OVCH1: variants seen among roughly 807,000 people sequenced by gnomAD.
OVCH1 encodes ovochymase-1.
OVCH1 carries 139 observed loss-of-function variants against 138.4 expected under a neutral mutation model. That is an observed-to-expected ratio of 1.00 (90% confidence interval 0.87 to 1.16). The LOEUF (loss-of-function observed/expected upper bound fraction) is 1.16, where lower values mean the gene tolerates loss of function less well. OVCH1 is among the 50% of genes most tolerant of loss of function. The pLI, the probability that OVCH1 is intolerant of heterozygous loss-of-function variation, is 0.00. For synonymous variants in OVCH1, 453 were observed against 467.8 expected, an observed-to-expected ratio of 0.97 and a Z score of 0.41; for missense variants, 1,367 against 1,357.9, an observed-to-expected ratio of 1.01 and a Z score of -0.11.
At chr12:29,457,050 G>T (rs945992029) in intron 19 of OVCH1, among the ~76,000 whole-genome samples, 1 of 152,084 alleles carries the variant, frequency 6.6e-6, no homozygotes. Flanking sequence ...TTTATATAAA[G>T]AATTTAACAG....
At chr12:29,434,256 G>C (rs1198249176) in intron 26 of OVCH1, among the ~76,000 whole-genome samples, 1 of 152,080 alleles carries the variant, frequency 6.6e-6, no homozygotes, top group African/African-American at 2.4e-5. Context: ...TTCTTTGCTA[G>C]GGATAAAAAT....
At chr12:29,424,537 A>G (rs12831249), downstream of OVCH1, among the ~76,000 whole-genome samples, 954 of 152,284 alleles carry the variant, frequency 6.3e-3, 5 homozygotes, top group African/African-American at 0.022. Context: ...ACAGAGAAAA[A>G]CAGAGAGGTG....
exon 12 of OVCH1, chr12:29,477,103 T>A: frequency 6.2e-7 from 1 of 1,604,028 alleles, no homozygotes; most frequent in Non-Finnish European, 8.5e-7. Context: ...GTTGCCTACC[T>A]TTATAATGTG....
rs371182932 is a variant in OVCH1, at chr12:29,478,839, A to G, written c.1065T>C (p.Leu355=). The change falls in exon 9 of 28, where the codon CTT becomes CTC. Residue 355 remains leucine, a synonymous_variant. Transcript: ENST00000318184. The stretch of plus-strand genomic sequence containing the variant: ...AAACAAATGTAACATACTTACTAAA[A>G]AGCACTCCACTGCTTGATCGTAAAG... 111 of 1,577,888 alleles carry G rather than the reference A, an allele frequency of 7.0e-5. No homozygotes were observed. The Middle Eastern group carries it at 1.7e-3, about 24-fold the overall frequency.
At chr12:29,428,919 C>T (rs879015917) in intron 27 of OVCH1, among the ~76,000 whole-genome samples, 2 of 152,334 alleles carry the variant, frequency 1.3e-5, no homozygotes, top group Admixed American at 1.3e-4. Flanking sequence ...TCAAGCATGA[C>T]AGACACTATG....
At chr12:29,475,316 C>T (rs1383253516) in intron 13 of OVCH1, 127 bp from the exon 14 acceptor site, 1 of 622,212 alleles carries the variant, frequency 1.6e-6, no homozygotes, top group Non-Finnish European at 2.6e-6. Context: ...TGTATGCACC[C>T]TTACATCTCA....
chr12:29,475,359 A>G (rs1942668704), intron 13 of OVCH1, among the ~76,000 whole-genome samples, 170 bp from the exon 14 acceptor site: 1 of 152,176 alleles, frequency 6.6e-6, no homozygotes, highest in African/African-American at 2.4e-5. Context: ...CACAATAACA[A>G]TGCGCTGTAA....
intron 4 of OVCH1, among the ~76,000 whole-genome samples, 158 bp from the exon 5 acceptor site, chr12:29,491,350 G>T (rs1943268283): frequency 6.6e-6 from 1 of 152,136 alleles, no homozygotes; most frequent in Non-Finnish European, 1.5e-5. Flanking sequence ...AAACCGTTTT[G>T]TATTTATAGA....
chr12:29,496,793 C>A, intron 1 of OVCH1, 119 bp from the exon 2 acceptor site: 1 of 677,640 alleles, frequency 1.5e-6, no homozygotes, highest in Admixed American at 2.7e-5. Context: ...CACTTAGCTG[C>A]AGACTACCAC....
intron 23 of OVCH1, among the ~76,000 whole-genome samples, chr12:29,444,869 TATTAC>T (rs368602614): frequency 1.6e-3 from 247 of 152,164 alleles, no homozygotes; most frequent in African/African-American, 5.7e-3. Flanking sequence ...TCTAATCTTT[TATTAC>T]ATCACTAAAA....
chr12:29,424,157 T>G (rs1433685968), downstream of OVCH1, among the ~76,000 whole-genome samples: 1 of 152,198 alleles, frequency 6.6e-6, no homozygotes, highest in Non-Finnish European at 1.5e-5. Context: ...TTTCTATAGA[T>G]TATAGATTAA....
chr12:29,477,876 CA>C (rs34916463), intron 9 of OVCH1, among the ~76,000 whole-genome samples: 17 of 152,052 alleles, frequency 1.1e-4, no homozygotes, highest in East Asian at 1.9e-4. Flanking sequence ...TGCTTTTTCT[CA>C]AAAAACGTCC....
intron 8 of OVCH1, among the ~76,000 whole-genome samples, chr12:29,481,683 C>A (rs1224668211): frequency 6.6e-6 from 1 of 152,192 alleles, no homozygotes; most frequent in African/African-American, 2.4e-5. Context: ...TTTCCTATGA[C>A]TGTTGACTCT....
intron 20 of OVCH1, 96 bp from the exon 21 acceptor site, chr12:29,455,029 G>C (rs1212019447): frequency 8.1e-7 from 1 of 1,237,032 alleles, no homozygotes; most frequent in African/African-American, 1.5e-5. Flanking sequence ...AAACAAAAAA[G>C]AAACAAATCC....
intron 25 of OVCH1, among the ~76,000 whole-genome samples, 103 bp downstream of exon 26, chr12:29,439,748 CAT>C (rs1313523744): frequency 6.6e-6 from 1 of 152,206 alleles, no homozygotes; most frequent in Non-Finnish European, 1.5e-5. Context: ...CAGGTTGTCA[CAT>C]GTGCTACTGA....
chr12:29,495,553 T>A, intron 3 of OVCH1, 96 bp from the exon 4 acceptor site: 1 of 1,083,382 alleles, frequency 9.2e-7, no homozygotes, highest in Non-Finnish European at 1.3e-6. Context: ...AATGTATCTT[T>A]AAGCATCCCT....
intron 8 of OVCH1, among the ~76,000 whole-genome samples, chr12:29,486,003 A>C (rs1943094408): frequency 6.8e-6 from 1 of 147,306 alleles, no homozygotes; most frequent in African/African-American, 2.6e-5. Flanking sequence ...TAAATAAATA[A>C]ATAAATAAAT....
At chr12:29,451,974 G>T (rs879141450) in intron 21 of OVCH1, among the ~76,000 whole-genome samples, 1 of 152,230 alleles carries the variant, frequency 6.6e-6, no homozygotes, top group South Asian at 2.1e-4. Context: ...TGTGACTGAG[G>T]TCATGAAAAA....
the OVCH1 span, among the ~76,000 whole-genome samples, chr12:29,404,292 A>G: frequency 1.4e-4 from 22 of 152,270 alleles, no homozygotes; most frequent in East Asian, 4.3e-3. Flanking sequence ...ACAAGCTTGT[A>G]CTTCCCATGC....
Sources: allele counts gnomAD v4.1 joint callset (sites outside exome capture counted in the v4.1 genomes callset), GRCh38; gene constraint gnomAD v4.1.1; transcripts MANE v1.5; gene names NCBI Gene and HGNC (gene_info 2026-07-23, HGNC 2026-07-21).